The following CDH12 variants were observed in gnomAD, a reference collection of about 807,000 sequenced individuals.
The protein encoded by CDH12 is cadherin-12.
A neutral mutation model predicts 74.1 loss-of-function variants in CDH12; 41 were observed. The ratio of observed to expected loss-of-function variants is 0.55; its 90% CI spans 0.43 to 0.72. The LOEUF (loss-of-function observed/expected upper bound fraction) is 0.72. Ranked by LOEUF, CDH12 falls within the 30% of genes least tolerant of loss-of-function variation. The pLI, the probability that CDH12 is intolerant of heterozygous loss-of-function variation, is 0.00. For missense variants in CDH12, 945 were observed against 977.2 expected (o/e 0.97, Z 0.44); for synonymous variants, 399 against 355.0 (o/e 1.12, Z -1.39).
chr5:22,657,576 AT>A (rs1164005663), intron 1 of CDH12, among the ~76,000 whole-genome samples: 1 of 152,124 alleles, frequency 6.6e-6, no homozygotes, highest in Non-Finnish European at 1.5e-5. Flanking sequence ...TTACTCTATT[AT>A]TCACAGTATT....
intron 2 of CDH12, among the ~76,000 whole-genome samples, chr5:22,443,843 T>C (rs570681532): frequency 3.8e-4 from 58 of 152,236 alleles, no homozygotes; most frequent in African/African-American, 1.4e-3. Flanking sequence ...TTACAACATA[T>C]ATTGTATGCA....
At chr5:22,753,367 G>A (rs1745702025) in intron 1 of CDH12, among the ~76,000 whole-genome samples, 1 of 150,694 alleles carries the variant, frequency 6.6e-6, no homozygotes, top group Non-Finnish European at 1.5e-5. Context: ...AACCCGGGAG[G>A]CAGAGCTTGC....
intron 1 of CDH12, among the ~76,000 whole-genome samples, chr5:22,612,750 C>A (rs899562065): frequency 4.6e-5 from 7 of 152,004 alleles, no homozygotes; most frequent in Admixed American, 1.3e-4. Flanking sequence ...TCCTTTTTAG[C>A]CCTTCTCCCC....
rs138219757 is a variant in CDH12, at chr5:22,039,412, G to C, written c.231+39034C>G. On this transcript the variant is annotated intron_variant, in intron 5 of 14. Transcript: ENST00000382254. ...TCTACATCCAACTTTGCCTCAGAGG[G>C]TGAACTTGCACCACAAGACCCAGTG... 3.7e-3 allele frequency among the ~76,000 whole-genome samples: 567 copies of C among 152,114 alleles called. 7 individuals carry two copies. The highest frequency in any genetic ancestry group is 0.013 in the African/African-American group (531 of 41,494).
At chr5:22,342,633 T>A (rs1346379650) in intron 3 of CDH12, among the ~76,000 whole-genome samples, 1 of 146,338 alleles carries the variant, frequency 6.8e-6, no homozygotes, top group Non-Finnish European at 1.5e-5. Flanking sequence ...CTTTTCTATT[T>A]CTTTCTCTTT....
intron 2 of CDH12, among the ~76,000 whole-genome samples, chr5:22,449,087 T>A (rs1010089986): frequency 6.6e-6 from 1 of 151,992 alleles, no homozygotes; most frequent in South Asian, 2.1e-4. Context: ...ATGCCTTGAA[T>A]ACATTAATTG....
chr5:21,784,736 G>A (rs1561182465), intron 10 of CDH12, among the ~76,000 whole-genome samples: 3 of 152,160 alleles, frequency 2.0e-5, no homozygotes. Context: ...ATTGTGAAAA[G>A]TCAGTAAAGC....
intron 3 of CDH12, among the ~76,000 whole-genome samples, chr5:22,239,333 A>C (rs1390729605): frequency 2.0e-5 from 3 of 152,152 alleles, no homozygotes; most frequent in African/African-American, 7.2e-5. Context: ...AATTACTGTG[A>C]GACAAATTAA....
chr5:22,318,678 G>A (rs1561309045), intron 3 of CDH12, among the ~76,000 whole-genome samples: 2 of 152,156 alleles, frequency 1.3e-5, no homozygotes, highest in South Asian at 4.1e-4. Flanking sequence ...TCTTCCAGGG[G>A]CCCTGTGGTG....
At chr5:22,016,051 T>C (rs1342255282) in intron 5 of CDH12, among the ~76,000 whole-genome samples, 3 of 151,868 alleles carry the variant, frequency 2.0e-5, no homozygotes, top group Admixed American at 2.0e-4. Context: ...TAAAGTTGAT[T>C]TTCTATTAAG....
intron 6 of CDH12, among the ~76,000 whole-genome samples, chr5:21,869,647 G>A (rs1234087752): frequency 1.3e-5 from 2 of 151,890 alleles, no homozygotes; most frequent in Non-Finnish European, 1.5e-5. Flanking sequence ...TTAGGCAAAG[G>A]GTAAGCATCA....
intron 6 of CDH12, among the ~76,000 whole-genome samples, chr5:21,959,904 G>T (rs1362257007): frequency 7.5e-6 from 1 of 134,150 alleles, no homozygotes; most frequent in African/African-American, 2.9e-5. Flanking sequence ...ATAGCCTGGC[G>T]ACAGAGTGAG....
chr5:22,628,368 A>G (rs1419390091), intron 1 of CDH12, among the ~76,000 whole-genome samples: 1 of 152,162 alleles, frequency 6.6e-6, no homozygotes, highest in African/African-American at 2.4e-5. Context: ...TTCTCAGCAA[A>G]TTCAAAAAAA....
At chr5:21,840,393 T>G (rs927258481) in intron 8 of CDH12, among the ~76,000 whole-genome samples, 3 of 151,900 alleles carry the variant, frequency 2.0e-5, no homozygotes, top group Admixed American at 2.0e-4. Context: ...ACCCTAGGCA[T>G]GAATCTCATC....
chr5:21,981,825 T>G (rs1417749555), intron 5 of CDH12, among the ~76,000 whole-genome samples: 1 of 152,082 alleles, frequency 6.6e-6, no homozygotes, highest in Admixed American at 6.6e-5. Context: ...CAGACTACCA[T>G]GCTTAGCTAA....
rs952186921 is a variant in CDH12, at chr5:21,777,525, CAT to C, written c.1393+5831_1393+5832del. Among the ~76,000 whole-genome samples the C allele has an allele frequency of 6.4e-5, 7 of 110,134 alleles. No individual in the cohort carries two copies. In the East Asian group the frequency reaches 1.4e-3, roughly 22 times the overall value. The allele number at this position is 110,134 out of a possible 152,430, so 72.3% of individuals were successfully genotyped here. A position where few individuals can be genotyped will look rare whatever the true frequency, so the allele number is the denominator to read the frequency against. ...TTACTTTGATAATTGTTACCACTAACATTTTTTTTTTTTTTGAGACAGAGTCT... is the reference window on the plus strand; with the variant it reads ...TTACTTTGATAATTGTTACCACTAACTTTTTTTTTTTTTGAGACAGAGTCT... On this transcript the variant is annotated intron_variant, in intron 11 of 14. Coordinates refer to ENST00000382254, the MANE Select transcript of CDH12 (RefSeq NM_004061.5).
In CDH12 at chr5:22,698,725, ATATATATATAGTGT is replaced by A. The variant is rs1561586040; in HGVS notation, c.-523+154319_-523+154332del. Among the ~76,000 whole-genome samples the A allele has an allele frequency of 4.0e-3, 44 of 11,080 alleles. 1 individual carries two copies. The highest frequency in any genetic ancestry group is 0.071 in the Middle Eastern group (1 of 14). The allele number at this position is 11,080 out of a possible 152,430, so 7.3% of individuals were successfully genotyped here. ...TATATATATATATATATATATATAT[ATATATATATAGTGT>A]GTGTGTGTGTGTGTGTGTGTGTGTG... On this transcript the variant is annotated intron_variant, in intron 1 of 14. Transcript: ENST00000382254.
At chr5:22,043,004 T>C (rs980177520) in intron 5 of CDH12, among the ~76,000 whole-genome samples, 11 of 151,872 alleles carry the variant, frequency 7.2e-5, no homozygotes, top group African/African-American at 2.7e-4. Context: ...TTTTCACTGG[T>C]GAAATCTACT....
intron 1 of CDH12, among the ~76,000 whole-genome samples, chr5:22,812,940 A>ATGATCGC (rs1749219876): frequency 6.6e-6 from 1 of 152,100 alleles, no homozygotes; most frequent in Admixed American, 6.6e-5. Flanking sequence ...AGGTGAAGAA[A>ATGATCGC]TGATCGCTGA....
Sources: allele counts gnomAD v4.1 joint callset (sites outside exome capture counted in the v4.1 genomes callset), GRCh38; gene constraint gnomAD v4.1.1; transcripts MANE v1.5; gene names NCBI Gene and HGNC (gene_info 2026-07-23, HGNC 2026-07-21).